Variants in VGLL1 observed in about 807,000 individuals in gnomAD.
VGLL1 encodes the protein vestigial like family member 1, also known as transcription cofactor vestigial-like protein 1.
VGLL1 carries 4 observed loss-of-function variants against 12.0 expected under a neutral mutation model. The ratio of observed to expected loss-of-function variants is 0.33; its 90% CI spans 0.16 to 0.76. The LOEUF is 0.76. VGLL1 is among the 30% of genes least tolerant of loss of function. The pLI, the probability that VGLL1 is intolerant of heterozygous loss-of-function variation, is 0.60. For missense variants in VGLL1, 204 were observed against 208.7 expected, an observed-to-expected ratio of 0.98 and a Z score of 0.14; for synonymous variants, 87 against 81.2, an observed-to-expected ratio of 1.07 and a Z score of -0.39.
chrX:136,539,169 T>C (rs1048862906), intron 2 of VGLL1, among the ~76,000 whole-genome samples: 3 of 112,108 alleles, frequency 2.7e-5, no homozygotes, highest in East Asian at 5.6e-4. Context: ...GGATTCATTA[T>C]AATCATTCCC....
chrX:136,545,707 T>C (rs913998663), intron 2 of VGLL1, among the ~76,000 whole-genome samples: 13 of 111,268 alleles, frequency 1.2e-4, no homozygotes, highest in Non-Finnish European at 1.5e-4. Context: ...AGGGCCTCCA[T>C]GCAAGGATAA....
intron 3 of VGLL1, among the ~76,000 whole-genome samples, chrX:136,549,495 G>A (rs1055699972): frequency 2.7e-5 from 3 of 110,765 alleles, no homozygotes; most frequent in Non-Finnish European, 3.8e-5. Context: ...AATTCAAAGC[G>A]ACTGTAGGAG....
chrX:136,551,423 C>T (rs2075885934), intron 4 of VGLL1, among the ~76,000 whole-genome samples: 1 of 111,474 alleles, frequency 9.0e-6, no homozygotes, highest in Admixed American at 9.5e-5. Context: ...ACTCTGAGCT[C>T]CACACTCAAT....
chrX:136,534,194 G>A (rs565433997), intron 1 of VGLL1, among the ~76,000 whole-genome samples: 9 of 112,302 alleles, frequency 8.0e-5, no homozygotes, highest in Admixed American at 1.9e-4. Context: ...TAGGTCTTAC[G>A]TGTAAAATTT....
chrX:136,550,892 T>G (rs1196000263), intron 4 of VGLL1, 71 bp downstream of exon 4: 2 of 966,566 alleles, frequency 2.1e-6, no homozygotes, highest in Non-Finnish European at 3.0e-6. Flanking sequence ...ATAAGGCTTC[T>G]GTCTACTACT....
chrX:136,542,115 C>T (rs1187562618), intron 2 of VGLL1, among the ~76,000 whole-genome samples: 1 of 109,497 alleles, frequency 9.1e-6, no homozygotes, highest in Non-Finnish European at 1.9e-5. Flanking sequence ...AGGGTATATA[C>T]GTGGGCCTTT....
intron 2 of VGLL1, among the ~76,000 whole-genome samples, chrX:136,539,684 T>C: frequency 8.9e-6 from 1 of 111,801 alleles, no homozygotes; most frequent in Non-Finnish European, 1.9e-5. Context: ...TTTCTCTGTC[T>C]ACACTTACTG....
chrX:136,536,076 T>C lies in VGLL1; in HGVS notation c.56T>C (p.Ile19Thr), dbSNP rs1314211752. 8 of 1,209,560 alleles carry C rather than the reference T, an allele frequency of 6.6e-6. No individual in the cohort carries two copies. The highest frequency in any genetic ancestry group is 8.9e-6 in the Non-Finnish European group (8 of 895,218). ...IRLPKGKQKP[I>T]KTEWNSRCVL... is the part of the protein sequence containing the mutation. ...CTGCCCAAAGGCAAACAGAAGCCTA[T>C]AAAGACGGAATGGAATTCCCGGTGT... The change falls in exon 2 of 5, where the codon ATA (isoleucine) becomes ACA (threonine). Residue 19 changes from isoleucine to threonine, a missense_variant. By Grantham distance (89) the Ile-to-Thr change is moderately conservative. Transcript: ENST00000370634.
chrX:136,553,949 G>A (rs1005683761), intron 4 of VGLL1, among the ~76,000 whole-genome samples: 1 of 111,976 alleles, frequency 8.9e-6, no homozygotes, highest in Non-Finnish European at 1.9e-5. Flanking sequence ...TCTTTTGGTC[G>A]GTAGAAATAG....
In VGLL1 at chrX:136,556,564, C is replaced by T. The variant is rs2075901819; in HGVS notation, c.*25C>T. On this transcript the variant is annotated 3_prime_UTR_variant, in exon 5 of 5. Transcript: ENST00000370634. ...GTCAAGTTGGAGGAGAAAGACAACA[C>T]TTGGTCTAAGACACGGCAGCAAGAC... is the stretch of plus-strand genomic sequence containing the variant. 9 of 1,175,118 alleles carry T rather than the reference C, an allele frequency of 7.7e-6. No individual in the cohort carries two copies. The East Asian group carries it at 2.7e-4, about 35-fold the overall frequency.
chrX:136,536,817 T>C (rs2148529644), intron 2 of VGLL1, among the ~76,000 whole-genome samples: 1 of 112,151 alleles, frequency 8.9e-6, no homozygotes, highest in East Asian at 2.8e-4. Flanking sequence ...GACTGTGACA[T>C]AGGGGACAAC....
chrX:136,543,835 A>G (rs2075862872), intron 2 of VGLL1, among the ~76,000 whole-genome samples: 1 of 111,494 alleles, frequency 9.0e-6, no homozygotes, highest in Non-Finnish European at 1.9e-5. Context: ...GAAAGAAGAA[A>G]GGATAGATGG....
intron 2 of VGLL1, among the ~76,000 whole-genome samples, chrX:136,548,283 G>A (rs1386988025): frequency 1.8e-5 from 2 of 111,983 alleles, no homozygotes; most frequent in African/African-American, 6.5e-5. Flanking sequence ...TTACAGGCAT[G>A]AGCCACTGTG....
At chrX:136,553,746 G>A (rs1167159478) in intron 4 of VGLL1, among the ~76,000 whole-genome samples, 1 of 112,081 alleles carries the variant, frequency 8.9e-6, no homozygotes, top group Admixed American at 9.4e-5. Context: ...AAGGAAGGGA[G>A]GCAGAGTCTC....
In VGLL1 at chrX:136,548,993, C is replaced by G. The variant is rs2075877906; in HGVS notation, c.619C>G (p.Pro207Ala). The change falls in exon 3 of 5, where the codon CCC (proline) becomes GCC (alanine). Residue 207 changes from proline to alanine, a missense_variant. Coordinates refer to ENST00000370634, the MANE Select transcript of VGLL1 (RefSeq NM_016267.4). ...GSTGLLFNLP[P>A]GSVHYKKLYV... ...CACAGGGTTGCTCTTCAACCTGCCTCCCGGCTCAGTTCACTGTAAGGAAAT... is the reference window on the plus strand; with the variant it reads ...CACAGGGTTGCTCTTCAACCTGCCTGCCGGCTCAGTTCACTGTAAGGAAAT... 1.6e-5 allele frequency: 19 copies of G among 1,206,855 alleles called. No homozygotes were observed. Among genetic ancestry groups the G allele is most frequent in the Non-Finnish European group, 2.1e-5 (19 of 893,309 alleles).
chrX:136,533,787 G>A (rs930880537), intron 1 of VGLL1, among the ~76,000 whole-genome samples: 1 of 111,574 alleles, frequency 9.0e-6, no homozygotes, highest in South Asian at 3.8e-4. Flanking sequence ...AGAGGAGAAG[G>A]GACTATTAGA....
chrX:136,532,510 C>T (rs1244736933), intron 1 of VGLL1, among the ~76,000 whole-genome samples: 1 of 111,119 alleles, frequency 9.0e-6, no homozygotes, highest in African/African-American at 3.3e-5. Flanking sequence ...GTAAGTGCGT[C>T]CATGCAGGCA....
At chrX:136,542,659 T>C (rs2075859798) in intron 2 of VGLL1, among the ~76,000 whole-genome samples, 1 of 112,110 alleles carries the variant, frequency 8.9e-6, no homozygotes, top group South Asian at 3.7e-4. Context: ...GATATTATTA[T>C]CCTTATTTTA....
chrX:136,536,328 A>T, intron 2 of VGLL1, 94 bp downstream of exon 2: 5 of 924,591 alleles, frequency 5.4e-6, no homozygotes, highest in Non-Finnish European at 7.6e-6. Context: ...TTGGACACTT[A>T]TATGTTTGCT....
Sources: allele counts gnomAD v4.1 joint callset (sites outside exome capture counted in the v4.1 genomes callset), GRCh38; gene constraint gnomAD v4.1.1; transcripts MANE v1.5; gene names NCBI Gene and HGNC (gene_info 2026-07-23, HGNC 2026-07-21).